The following ITPR2 variants were observed in gnomAD, a reference collection of about 807,000 sequenced individuals.
The protein encoded by ITPR2 is inositol 1,4,5-trisphosphate-gated calcium channel ITPR2.
In ITPR2, 207 loss-of-function variants were observed where a neutral mutation model predicts 317.1. The ratio of observed to expected loss-of-function variants is 0.65; its 90% CI spans 0.58 to 0.73. ITPR2 has a LOEUF of 0.73. Among genes scored for constraint, ITPR2 ranks in the 30% least tolerant of loss-of-function variants. The pLI is 0.00. For missense variants in ITPR2, 2,613 were observed against 3,284.0 expected, an observed-to-expected ratio of 0.80 and a Z score of 4.99; for synonymous variants, 1,156 against 1,149.1, an observed-to-expected ratio of 1.01 and a Z score of -0.12.
intron 2 of ITPR2, among the ~76,000 whole-genome samples, chr12:26,746,494 G>C (rs555243611): frequency 7.2e-5 from 11 of 152,172 alleles, no homozygotes; most frequent in Admixed American, 1.3e-4. Flanking sequence ...GGTCCTAACT[G>C]AGTGTGTCCT....
chr12:26,428,036 G>A lies in ITPR2; in HGVS notation c.6822C>T (p.Cys2274=), dbSNP rs755698418. The A allele has an allele frequency of 5.6e-6, 9 of 1,612,110 alleles. 2 individuals carry two copies. The highest frequency in any genetic ancestry group is 2.2e-5 in the South Asian group (2 of 90,736). The change falls in exon 49 of 57, where the codon TGC becomes TGT. Residue 2274 remains cysteine, a synonymous_variant. Transcript: ENST00000381340. ...SVLLWIAVAI[C]TSMLFFFSKP... is the part of the protein sequence containing the mutation. ...TGGAGAAGAAAAACAGCATAGATGT[G>A]CAGATCGCAACTGCTATCCAAAGAA... is the stretch of plus-strand genomic sequence containing the variant.
intron 37 of ITPR2, among the ~76,000 whole-genome samples, chr12:26,530,435 G>C (rs545867187): frequency 1.6e-4 from 25 of 152,290 alleles, no homozygotes; most frequent in African/African-American, 5.8e-4. Context: ...AGATGATACT[G>C]TTCACTGAGG....
intron 55 of ITPR2, among the ~76,000 whole-genome samples, chr12:26,345,743 A>G (rs1424425459): frequency 1.3e-5 from 2 of 152,230 alleles, no homozygotes; most frequent in Non-Finnish European, 2.9e-5. Context: ...CAATCTGAGC[A>G]GGGGAAGAGG....
chr12:26,810,875 A>C (rs1294076997), intron 1 of ITPR2, among the ~76,000 whole-genome samples: 3 of 152,078 alleles, frequency 2.0e-5, no homozygotes, highest in Non-Finnish European at 4.4e-5. Flanking sequence ...TATGCTTCCC[A>C]GGCTGGTCTC....
chr12:26,518,455 A>C (rs919353359), intron 37 of ITPR2, among the ~76,000 whole-genome samples: 5 of 152,160 alleles, frequency 3.3e-5, no homozygotes, highest in African/African-American at 1.2e-4. Context: ...TAATCTATAC[A>C]TCAAACCCCT....
At chr12:26,496,189 T>A (rs1942927048) in intron 37 of ITPR2, among the ~76,000 whole-genome samples, 1 of 152,200 alleles carries the variant, frequency 6.6e-6, no homozygotes, top group Non-Finnish European at 1.5e-5. Flanking sequence ...GTTATTTCCA[T>A]CTTGCAGGTA....
At chr12:26,675,761 A>G (rs1012320179) in intron 13 of ITPR2, among the ~76,000 whole-genome samples, 2 of 152,248 alleles carry the variant, frequency 1.3e-5, no homozygotes, top group Non-Finnish European at 2.9e-5. Context: ...TATTGACAGC[A>G]GATTTCTTAA....
At chr12:26,677,406 C>T (rs1947933712) in intron 13 of ITPR2, among the ~76,000 whole-genome samples, 1 of 152,038 alleles carries the variant, frequency 6.6e-6, no homozygotes, top group South Asian at 2.1e-4. Flanking sequence ...TTCAGATTAG[C>T]CTGGGCAACA....
At chr12:26,650,989 C>T (rs10842766) in intron 21 of ITPR2, among the ~76,000 whole-genome samples, 32,915 of 152,138 alleles carry the variant, frequency 0.22, 4,219 homozygotes, top group East Asian at 0.55. Flanking sequence ...TATACGCTTT[C>T]CTTTTTTCTC....
rs751689547 is a variant in ITPR2, at chr12:26,632,007, C to T, written c.2793G>A (p.Met931Ile). The T allele has an allele frequency of 2.5e-6, 4 of 1,604,968 alleles. No homozygotes were observed. Among genetic ancestry groups the T allele is most frequent in the African/African-American group, 2.7e-5 (2 of 74,402 alleles). The change falls in exon 22 of 57, where the codon ATG becomes ATA. Residue 931 changes from methionine to isoleucine, a missense_variant. Physicochemically the swap from Met to Ile is conservative, Grantham distance 10. Around this residue, in one of 9 missense-constraint regions of ITPR2, gnomAD observed 817 missense variants for 897.6 expected, o/e 0.91. Coordinates refer to ENST00000381340, the MANE Select transcript of ITPR2 (RefSeq NM_002223.4). ...IHGVGEMMTQ[M>I]VLSRGSIFPM... ...GGAAGATGGAGCCTCTACTGAGTAC[C>T]ATCTGGGTCATCATCTCTCCCACCC...
chr12:26,578,973 C>T, intron 33 of ITPR2, 140 bp from the exon 34 acceptor site: 1 of 758,424 alleles, frequency 1.3e-6, no homozygotes. Flanking sequence ...TAATAAATAT[C>T]TCATTCATGA....
At chr12:26,512,917 G>A (rs1943391500) in intron 37 of ITPR2, among the ~76,000 whole-genome samples, 1 of 138,376 alleles carries the variant, frequency 7.2e-6, no homozygotes, top group Admixed American at 7.0e-5. Flanking sequence ...CCGCCTCCCA[G>A]GTTCAAGCAA....
At chr12:26,443,949 T>C (rs947718807) in intron 45 of ITPR2, among the ~76,000 whole-genome samples, 2 of 152,146 alleles carry the variant, frequency 1.3e-5, no homozygotes, top group African/African-American at 2.4e-5. Context: ...TTAAACTACA[T>C]GCAAATAAAA....
Position 26,597,113 on chromosome 12 carries a change from C to CG in ITPR2, c.4023dup (p.Val1342ArgfsTer7). ...GCTCTATCATTGTAAAATATCAGCACGTCTTCACCCCCATTTATCAACTGA... is the reference window on the plus strand; with the variant it reads ...GCTCTATCATTGTAAAATATCAGCACGGTCTTCACCCCCATTTATCAACTGA... On this transcript the variant is annotated frameshift_variant, in exon 31 of 57. Coordinates refer to ENST00000381340, the MANE Select transcript of ITPR2 (RefSeq NM_002223.4). LOFTEE classifies it high-confidence loss of function. The CG allele has an allele frequency of 6.2e-7, 1 of 1,613,814 alleles. No individual in the cohort carries two copies. The highest frequency in any genetic ancestry group is 1.1e-5 in the South Asian group (1 of 91,082).
intron 51 of ITPR2, among the ~76,000 whole-genome samples, chr12:26,414,644 A>G (rs918979355): frequency 2.0e-5 from 3 of 152,154 alleles, no homozygotes; most frequent in Non-Finnish European, 2.9e-5. Context: ...AATAAATAAA[A>G]AAATCAAAAT....
At chr12:26,371,863 C>A (rs11048486) in intron 55 of ITPR2, among the ~76,000 whole-genome samples, 26,056 of 152,046 alleles carry the variant, frequency 0.17, 2,540 homozygotes, top group African/African-American at 0.25. Context: ...CAGACTCTTG[C>A]CCCTTCATGA....
At chr12:26,629,636 G>A (rs1249976962) in intron 22 of ITPR2, among the ~76,000 whole-genome samples, 1 of 150,414 alleles carries the variant, frequency 6.6e-6, no homozygotes, top group African/African-American at 2.4e-5. Context: ...TTTTAACGCA[G>A]CTTTCACTGG....
rs982041651 is a variant in ITPR2 at position 26,768,712 on chromosome 12, G to C, written c.163+21445C>G. 2.2e-4 allele frequency among the ~76,000 whole-genome samples: 33 copies of C among 151,368 alleles called. 1 individual carries two copies. The highest frequency in any genetic ancestry group is 5.3e-4 in the African/African-American group (22 of 41,226). On this transcript the variant is annotated intron_variant, in intron 2 of 56. Coordinates refer to ENST00000381340, the MANE Select transcript of ITPR2 (RefSeq NM_002223.4). ...CCACATCTGGGTCCTTAATTATGCA[G>C]ATATAATCAGAGTTCAAGTTGCATA...
At chr12:26,411,433 A>G (rs1565511745) in intron 51 of ITPR2, 21 bp from the exon 52 acceptor site, 2 of 1,522,634 alleles carry the variant, frequency 1.3e-6, no homozygotes, top group Non-Finnish European at 1.8e-6. Flanking sequence ...ACAAAGTAGT[A>G]TATAATATAG....
Sources: allele counts gnomAD v4.1 joint callset (sites outside exome capture counted in the v4.1 genomes callset), GRCh38; gene constraint gnomAD v4.1.1; regional missense constraint gnomAD v4.1.1; transcripts MANE v1.5; gene names NCBI Gene and HGNC (gene_info 2026-07-23, HGNC 2026-07-21).